Variants in GPC5 observed in about 807,000 individuals in gnomAD.
The protein encoded by GPC5 is glypican 5.
A neutral mutation model predicts 53.9 loss-of-function variants in GPC5; 47 were observed. The ratio of observed to expected loss-of-function variants is 0.87; its 90% CI spans 0.69 to 1.11. GPC5 has a LOEUF of 1.11. Among genes scored for constraint, GPC5 ranks in the 50% most tolerant of loss-of-function variants. GPC5 has a pLI of 0.00. For synonymous variants in GPC5, 286 were observed against 263.3 expected, an observed-to-expected ratio of 1.09 and a Z score of -0.84; for missense variants, 748 against 713.1, an observed-to-expected ratio of 1.05 and a Z score of -0.56.
intron 7 of GPC5, among the ~76,000 whole-genome samples, chr13:92,248,306 G>A (rs1594035392): frequency 6.6e-6 from 1 of 152,264 alleles, no homozygotes; most frequent in East Asian, 1.9e-4. Flanking sequence ...ATCAAGCTTA[G>A]GTTCCTGGCA....
rs117457979 is a variant in GPC5 at position 92,208,393 on chromosome 13, A to G, written c.1561+63404A>G. On this transcript the variant is annotated intron_variant, in intron 7 of 7. Coordinates refer to ENST00000377067, the MANE Select transcript of GPC5 (RefSeq NM_004466.6). ...CTCATTAGTCAGTAAAAACCCAAAT[A>G]TAGAGGCCAACCATATTCTATTAAT... 4.3e-4 allele frequency among the ~76,000 whole-genome samples: 65 copies of G among 152,320 alleles called. No homozygotes were observed. The East Asian group carries it at 8.7e-3, about 20-fold the overall frequency.
chr13:92,170,613 C>T (rs9589444), intron 7 of GPC5, among the ~76,000 whole-genome samples: 2 of 151,366 alleles, frequency 1.3e-5, no homozygotes, highest in East Asian at 2.0e-4. Context: ...TTAGTAGAAA[C>T]GGGGTTTCAC....
At chr13:92,438,712 A>G (rs528168107) in intron 7 of GPC5, among the ~76,000 whole-genome samples, 1 of 152,184 alleles carries the variant, frequency 6.6e-6, no homozygotes, top group East Asian at 1.9e-4. Flanking sequence ...GTCGTGGCAT[A>G]AAGGATGTCT....
chr13:92,683,823 C>A (rs182396121), intron 7 of GPC5, among the ~76,000 whole-genome samples: 26 of 152,138 alleles, frequency 1.7e-4, no homozygotes, highest in Middle Eastern at 6.8e-3. Context: ...CTCACTCCAC[C>A]CCCATTTCTC....
intron 5 of GPC5, among the ~76,000 whole-genome samples, chr13:91,806,155 C>T (rs748714445): frequency 2.7e-5 from 4 of 149,014 alleles, no homozygotes; most frequent in East Asian, 4.0e-4. Context: ...CATACCTCAG[C>T]GTCCCGAGTG....
intron 7 of GPC5, among the ~76,000 whole-genome samples, chr13:92,316,388 A>G (rs963745138): frequency 2.0e-5 from 3 of 152,180 alleles, no homozygotes; most frequent in Non-Finnish European, 4.4e-5. Flanking sequence ...TCCTTAATGC[A>G]TCAATTTCTT....
chr13:91,883,257 A>G (rs2039286619), intron 5 of GPC5, among the ~76,000 whole-genome samples: 1 of 152,172 alleles, frequency 6.6e-6, no homozygotes, highest in Admixed American at 6.5e-5. Context: ...CACAGATCAA[A>G]CATTCCAAGG....
At chr13:92,421,926 C>T (rs1187043843) in intron 7 of GPC5, among the ~76,000 whole-genome samples, 6 of 152,060 alleles carry the variant, frequency 3.9e-5, no homozygotes, top group Non-Finnish European at 8.8e-5. Context: ...TTTGGTCCAG[C>T]TTGGAATACA....
At chr13:92,211,015 C>T (rs942262407) in intron 7 of GPC5, among the ~76,000 whole-genome samples, 11 of 152,152 alleles carry the variant, frequency 7.2e-5, no homozygotes, top group African/African-American at 2.4e-4. Flanking sequence ...TTTTAAACAA[C>T]TCCTTTAATA....
intron 6 of GPC5, among the ~76,000 whole-genome samples, chr13:91,964,080 G>A (rs1159094770): frequency 2.0e-5 from 3 of 152,178 alleles, no homozygotes; most frequent in Admixed American, 6.5e-5. Flanking sequence ...TAAAGATGGT[G>A]TGTCCAGAGT....
chr13:92,505,412 C>T (rs1281247441), intron 7 of GPC5, among the ~76,000 whole-genome samples: 2 of 151,882 alleles, frequency 1.3e-5, no homozygotes, highest in Non-Finnish European at 2.9e-5. Flanking sequence ...CATGAGATAT[C>T]GCTACAACCC....
intron 7 of GPC5, among the ~76,000 whole-genome samples, chr13:92,234,907 C>A (rs2042559259): frequency 6.6e-6 from 1 of 151,954 alleles, no homozygotes; most frequent in Non-Finnish European, 1.5e-5. Context: ...TTAACTTTAT[C>A]CATACAAAAG....
rs2040330254 is a variant in GPC5, at chr13:91,978,675, A to C, written c.1401+70618A>C. On this transcript the variant is annotated intron_variant, in intron 6 of 7. Transcript: ENST00000377067. ...GAGACAGTTCAACCACAGCCAGTGG[A>C]CCATGGAAAGGAGTGAGTCTTATTT... Among the ~76,000 whole-genome samples the C allele has an allele frequency of 2.0e-5, 3 of 152,200 alleles. No individual in the cohort carries two copies. The South Asian group carries it at 6.2e-4, about 31-fold the overall frequency.
intron 7 of GPC5, among the ~76,000 whole-genome samples, chr13:92,751,326 A>AAAAAAAAAAAAC (rs1566400610): frequency 2.7e-5 from 4 of 147,512 alleles, no homozygotes; most frequent in African/African-American, 1.0e-4. Context: ...AAAAAAAAAA[A>AAAAAAAAAAAAC]AAAAAAAAAC....
intron 6 of GPC5, chr13:92,059,933 T>C (rs1348960508): frequency 1.3e-5 from 2 of 151,752 alleles, no homozygotes; most frequent in African/African-American, 2.4e-5. Flanking sequence ...CCACATCAAC[T>C]AGAGGTTTGC....
chr13:92,177,654 G>A (rs764115556), intron 7 of GPC5, among the ~76,000 whole-genome samples: 1 of 152,072 alleles, frequency 6.6e-6, no homozygotes, highest in Admixed American at 6.5e-5. Flanking sequence ...TCTGTATTAT[G>A]TCAGCAAAAT....
chr13:92,123,551 G>A (rs2041668622), intron 6 of GPC5, among the ~76,000 whole-genome samples: 2 of 152,160 alleles, frequency 1.3e-5, no homozygotes, highest in South Asian at 4.1e-4. Flanking sequence ...CAAAAATGTG[G>A]CAAAGTTTGA....
At position 92,777,513 on chromosome 13, in the gene GPC5, A is replaced by T. The variant is rs190024328; in HGVS notation, c.1562-88769A>T. 2.7e-3 allele frequency among the ~76,000 whole-genome samples: 412 copies of T among 151,802 alleles called. 3 individuals carry two copies. The highest frequency in any genetic ancestry group is 9.3e-3 in the African/African-American group (384 of 41,360). On this transcript the variant is annotated intron_variant, in intron 7 of 7. Transcript: ENST00000377067. ...CTGGGTGGCACCCGCCTGTATTCCCAGCTACTTGGGAGGCTGAGGCAGGAG... is the reference window on the plus strand; with the variant it reads ...CTGGGTGGCACCCGCCTGTATTCCCTGCTACTTGGGAGGCTGAGGCAGGAG...
chr13:92,771,760 C>G (rs1594495894), intron 7 of GPC5, among the ~76,000 whole-genome samples: 1 of 152,210 alleles, frequency 6.6e-6, no homozygotes, highest in East Asian at 1.9e-4. Flanking sequence ...GAGATCTCAT[C>G]AAACCCCATA....
Sources: gnomAD v4.1 joint callset for allele counts (sites outside exome capture counted in the v4.1 genomes callset) on GRCh38, gnomAD v4.1.1 for gene constraint, MANE v1.5 for transcripts, NCBI Gene and HGNC (gene_info 2026-07-23, HGNC 2026-07-21) for gene names.